Variants in CDH13 observed in about 807,000 individuals in gnomAD.
CDH13 encodes cadherin 13.
CDH13 carries 24 observed loss-of-function variants against 63.8 expected under a neutral mutation model. That is an observed-to-expected ratio of 0.38 (90% CI 0.27 to 0.53). CDH13 has a LOEUF of 0.53. CDH13 is among the 20% of genes least tolerant of loss of function. The pLI is 0.85. For missense variants in CDH13, 1,049 were observed against 903.1 expected, an observed-to-expected ratio of 1.16 and a Z score of -2.07; for synonymous variants, 503 against 355.3, an observed-to-expected ratio of 1.42 and a Z score of -4.67.
At chr16:83,299,944 C>T (rs1029504452) in intron 5 of CDH13, among the ~76,000 whole-genome samples, 3 of 152,194 alleles carry the variant, frequency 2.0e-5, no homozygotes, top group Non-Finnish European at 2.9e-5. Context: ...CAGATGAGGG[C>T]AAGGTCTACC....
intron 6 of CDH13, among the ~76,000 whole-genome samples, chr16:83,473,326 T>C (rs541251674): frequency 2.6e-4 from 39 of 152,338 alleles, no homozygotes; most frequent in Admixed American, 1.7e-3. Context: ...GGAGAACACA[T>C]GTTTGCAAAA....
intron 5 of CDH13, among the ~76,000 whole-genome samples, chr16:83,255,768 C>G (rs1050761571): frequency 5.9e-5 from 9 of 152,168 alleles, no homozygotes; most frequent in Non-Finnish European, 1.2e-4. Flanking sequence ...CATCCCAACT[C>G]TGCCTTTTCC....
rs759003884 is a variant in CDH13, at chr16:82,644,174, C to T, written c.45+17037C>T. 1.1e-4 allele frequency among the ~76,000 whole-genome samples: 17 copies of T among 152,166 alleles called. No individual in the cohort carries two copies. The highest frequency in any genetic ancestry group is 1.9e-4 in the Non-Finnish European group (13 of 68,038). On this transcript the variant is annotated intron_variant, in intron 1 of 13. Coordinates refer to ENST00000567109, the MANE Select transcript of CDH13 (RefSeq NM_001257.5). This position sits in a 1 kb window ranked among gnomAD's most constrained non-coding sequence, Gnocchi z 5.7. ...AGGATTTAGGATTTACCCAAATTAA[C>T]ATGAATGTTTGGCACCCTTTGGCTG...
At chr16:83,099,573 C>G (rs1238112983) in intron 3 of CDH13, among the ~76,000 whole-genome samples, 4 of 151,680 alleles carry the variant, frequency 2.6e-5, no homozygotes, top group Non-Finnish European at 4.4e-5. Flanking sequence ...ATCTACCTAA[C>G]TCAGCCTCCC....
intron 6 of CDH13, among the ~76,000 whole-genome samples, chr16:83,429,248 A>G (rs754998277): frequency 6.6e-6 from 1 of 152,148 alleles, no homozygotes; most frequent in Non-Finnish European, 1.5e-5. Context: ...TTATGACAAG[A>G]GTGGCCCATT....
At chr16:83,262,178 C>T (rs980313653) in intron 5 of CDH13, among the ~76,000 whole-genome samples, 3 of 152,170 alleles carry the variant, frequency 2.0e-5, no homozygotes, top group African/African-American at 7.2e-5. Flanking sequence ...AAGAGGGTAA[C>T]AGCAGGCACC....
chr16:83,472,214 T>G (rs2073472454), intron 6 of CDH13, among the ~76,000 whole-genome samples: 1 of 152,200 alleles, frequency 6.6e-6, no homozygotes, highest in Non-Finnish European at 1.5e-5. Context: ...GAGCAGCTGT[T>G]CAGTGGCAGA....
rs186418713 is a variant in CDH13 at position 83,393,743 on chromosome 16, A to G, written c.781+48737A>G. ...GTCAAGGAACCAGGCTCAGCCCACA[A>G]TGTATGCATTTATTCATTCATTCAT... On this transcript the variant is annotated intron_variant, in intron 6 of 13. Transcript: ENST00000567109. 3.5e-4 allele frequency among the ~76,000 whole-genome samples: 53 copies of G among 152,348 alleles called. No individual in the cohort carries two copies. In the East Asian group the frequency reaches 7.5e-3, roughly 22 times the overall value.
chr16:83,178,097 G>C (rs2038200059), intron 4 of CDH13, among the ~76,000 whole-genome samples: 2 of 152,220 alleles, frequency 1.3e-5, no homozygotes, highest in South Asian at 4.1e-4. Context: ...CTAACTATCG[G>C]TCCACTGAAA....
At chr16:83,338,216 T>A (rs2090643300) in intron 5 of CDH13, among the ~76,000 whole-genome samples, 1 of 150,902 alleles carries the variant, frequency 6.6e-6, no homozygotes, top group South Asian at 2.1e-4. Flanking sequence ...AGTAATCAGT[T>A]TAATGTACTC....
At chr16:83,346,754 T>A (rs1326868102) in intron 6 of CDH13, among the ~76,000 whole-genome samples, 2 of 152,232 alleles carry the variant, frequency 1.3e-5, no homozygotes, top group Non-Finnish European at 2.9e-5. Context: ...CACATTGAAT[T>A]CTTTATGCAC....
intron 7 of CDH13, among the ~76,000 whole-genome samples, chr16:83,504,275 C>T (rs1185686082): frequency 6.6e-6 from 1 of 152,156 alleles, no homozygotes; most frequent in Non-Finnish European, 1.5e-5. Context: ...TTCACAACCT[C>T]CAGCCCCTCC....
chr16:83,189,422 GC>G (rs2038627064), intron 4 of CDH13, among the ~76,000 whole-genome samples: 1 of 152,110 alleles, frequency 6.6e-6, no homozygotes, highest in African/African-American at 2.4e-5. Flanking sequence ...TTTTCTGATT[GC>G]CCCCAATATT....
At chr16:83,293,624 A>G (rs1027323364) in intron 5 of CDH13, among the ~76,000 whole-genome samples, 1 of 152,236 alleles carries the variant, frequency 6.6e-6, no homozygotes, top group South Asian at 2.1e-4. Flanking sequence ...AGATATATAC[A>G]TAAACCAGAA....
chr16:83,213,701 C>G (rs1314044155), intron 4 of CDH13, among the ~76,000 whole-genome samples: 2 of 152,140 alleles, frequency 1.3e-5, no homozygotes, highest in Non-Finnish European at 2.9e-5. Flanking sequence ...CTTAGGAGAA[C>G]AAGAGGAAGG....
chr16:83,027,576 G>A (rs1463916525), intron 2 of CDH13, among the ~76,000 whole-genome samples: 1 of 152,160 alleles, frequency 6.6e-6, no homozygotes, highest in African/African-American at 2.4e-5. Context: ...TAGTCATGGA[G>A]GACCTTGAGT....
intron 3 of CDH13, among the ~76,000 whole-genome samples, chr16:83,072,260 T>G (rs925825874): frequency 6.6e-6 from 1 of 152,212 alleles, no homozygotes; most frequent in Non-Finnish European, 1.5e-5. Context: ...CCAAACTCAC[T>G]TGTCCAAGGT....
intron 5 of CDH13, among the ~76,000 whole-genome samples, chr16:83,250,065 G>T (rs1905343975): frequency 6.6e-6 from 1 of 152,162 alleles, no homozygotes; most frequent in Non-Finnish European, 1.5e-5. Context: ...AAGACCTTTA[G>T]TTGCAAATCC....
At position 83,102,317 on chromosome 16, in the gene CDH13, T is replaced by TA. The variant is rs530508123; in HGVS notation, c.367-23067dup. Among the ~76,000 whole-genome samples the TA allele has an allele frequency of 1.2e-3, 184 of 152,336 alleles. 1 individual carries two copies. Among genetic ancestry groups the TA allele is most frequent in the South Asian group, 9.1e-3 (44 of 4,826 alleles). ...AGTCGCTGAGTTTGTTATGACTTGTTATAGCAGCCATTGGAAACTAATACA... is the reference window on the plus strand; with the variant it reads ...AGTCGCTGAGTTTGTTATGACTTGTTAATAGCAGCCATTGGAAACTAATACA... On this transcript the variant is annotated intron_variant, in intron 3 of 13. Transcript: ENST00000567109.
Sources: gnomAD v4.1 joint callset for allele counts (sites outside exome capture counted in the v4.1 genomes callset) on GRCh38, gnomAD v4.1.1 for gene constraint, Gnocchi (gnomAD v3.1) non-coding constraint, MANE v1.5 for transcripts, NCBI Gene and HGNC (gene_info 2026-07-23, HGNC 2026-07-21) for gene names.